Variants in ATXN1 observed in about 807,000 individuals in gnomAD.
ATXN1 encodes ataxin 1.
Under a neutral mutation model 56.4 loss-of-function variants are expected in ATXN1, and 8 were observed. The observed-to-expected ratio is 0.14, with a 90% CI of 0.08 to 0.26. The LOEUF (loss-of-function observed/expected upper bound fraction) is 0.26. Among genes scored for constraint, ATXN1 ranks in the 10% least tolerant of loss-of-function variants. ATXN1 has a pLI of 1.00. For synonymous variants in ATXN1, 514 were observed against 494.6 expected (o/e 1.04, Z -0.52); for missense variants, 987 against 1,106.5 (o/e 0.89, Z 1.53).
intron 4 of ATXN1, among the ~76,000 whole-genome samples, chr6:16,566,107 C>T (rs1029347798): frequency 6.6e-5 from 10 of 152,156 alleles, no homozygotes; most frequent in African/African-American, 9.6e-5. Flanking sequence ...AAAAGATTTA[C>T]GTTGAATAAC....
intron 3 of ATXN1, among the ~76,000 whole-genome samples, chr6:16,626,855 C>A (rs929356884): frequency 1.3e-5 from 2 of 152,118 alleles, no homozygotes; most frequent in African/African-American, 4.8e-5. Flanking sequence ...GGGAAGCCCA[C>A]GAGAGGACAC....
At chr6:16,454,911 A>G (rs1322409343) in intron 6 of ATXN1, among the ~76,000 whole-genome samples, 1 of 152,234 alleles carries the variant, frequency 6.6e-6, no homozygotes, top group Non-Finnish European at 1.5e-5. Context: ...TATAGCAATT[A>G]AGCAGCTTGG....
chr6:16,305,230 A>G lies in ATXN1; in HGVS notation c.*1099T>C, dbSNP rs1760212817. ...TTTAAATGCTTAAAGATAGTAATATATGCTCATCTTCAAAATCTAATTCCT... is the reference window on the plus strand; with the variant it reads ...TTTAAATGCTTAAAGATAGTAATATGTGCTCATCTTCAAAATCTAATTCCT... On this transcript the variant is annotated 3_prime_UTR_variant, in exon 8 of 8. Transcript: ENST00000436367. 1 of 152,554 alleles carries G rather than the reference A, an allele frequency of 6.6e-6. No homozygotes were observed. Among genetic ancestry groups the G allele is most frequent in the Non-Finnish European group, 1.5e-5 (1 of 68,022 alleles). 9.5% of individuals were successfully genotyped at this position (152,554 alleles called of 1,614,324 possible).
At chr6:16,670,199 TG>T (rs1175519172) in intron 2 of ATXN1, among the ~76,000 whole-genome samples, 3 of 152,224 alleles carry the variant, frequency 2.0e-5, no homozygotes. Flanking sequence ...TTCCTGGTTA[TG>T]CTACTTGAAT....
intron 3 of ATXN1, among the ~76,000 whole-genome samples, chr6:16,602,085 G>A (rs1278182095): frequency 1.3e-5 from 2 of 152,096 alleles, no homozygotes; most frequent in African/African-American, 4.8e-5. Context: ...CTAAGCATCA[G>A]CAAAGCATCT....
intron 3 of ATXN1, among the ~76,000 whole-genome samples, chr6:16,638,044 G>A (rs569474091): frequency 2.0e-5 from 3 of 152,150 alleles, no homozygotes; most frequent in Admixed American, 6.5e-5. Context: ...CATATGCACA[G>A]TTTAAACATA....
intron 3 of ATXN1, among the ~76,000 whole-genome samples, chr6:16,608,881 T>G (rs565088908): frequency 2.2e-4 from 34 of 152,298 alleles, no homozygotes; most frequent in African/African-American, 8.2e-4. Context: ...CATAAATACT[T>G]TTGTAAAATT....
chr6:16,624,078 T>C (rs1224602788), intron 3 of ATXN1, among the ~76,000 whole-genome samples: 1 of 152,050 alleles, frequency 6.6e-6, no homozygotes, highest in East Asian at 1.9e-4. Flanking sequence ...GGGTTGGGCG[T>C]GGTGGCTCGC....
intron 6 of ATXN1, among the ~76,000 whole-genome samples, chr6:16,458,407 CCT>C (rs1561903802): frequency 6.6e-6 from 1 of 152,172 alleles, no homozygotes; most frequent in Non-Finnish European, 1.5e-5. Context: ...AATATACTCC[CCT>C]GTCACCCAAC....
rs781716248 is a variant in ATXN1 at position 16,327,606 on chromosome 6, G to T, written c.705C>A (p.Thr235=). The change falls in exon 7 of 8, where the codon ACC becomes ACA. Residue 235 remains threonine (T), a synonymous_variant. Coordinates refer to ENST00000436367, the MANE Select transcript of ATXN1 (RefSeq NM_001128164.2). ...QHLSRAPGLI[T]PGSPPPAQQN... ...GCTGGGCTGGTGGGGGGGACCCCGG[G>T]GTGATGAGCCCCGGAGCCCTGCTGA... is the stretch of plus-strand genomic sequence containing the variant. 1 of 1,592,458 alleles carries T rather than the reference G, an allele frequency of 6.3e-7. No individual in the cohort carries two copies. The highest frequency in any genetic ancestry group is 2.3e-5 in the East Asian group (1 of 43,852).
intron 2 of ATXN1, among the ~76,000 whole-genome samples, chr6:16,712,862 G>A (rs1759556287): frequency 6.6e-6 from 1 of 152,070 alleles, no homozygotes; most frequent in Non-Finnish European, 1.5e-5. Flanking sequence ...GTACCTGCTA[G>A]GATAATGAGA....
At chr6:16,519,285 T>C (rs1761242376) in intron 5 of ATXN1, among the ~76,000 whole-genome samples, 1 of 152,162 alleles carries the variant, frequency 6.6e-6, no homozygotes, top group South Asian at 2.1e-4. Flanking sequence ...ATGGTAAAGA[T>C]TTTTAAAAAT....
At chr6:16,311,100 G>A (rs973461676) in intron 7 of ATXN1, among the ~76,000 whole-genome samples, 4 of 152,160 alleles carry the variant, frequency 2.6e-5, no homozygotes, top group African/African-American at 9.7e-5. Context: ...TTTATAATGT[G>A]AAGCAAGCTA....
intron 3 of ATXN1, among the ~76,000 whole-genome samples, chr6:16,611,271 G>C: frequency 6.6e-6 from 1 of 152,158 alleles, no homozygotes. Flanking sequence ...TGGTCAGCCA[G>C]CTTCCTCACT....
intron 6 of ATXN1, among the ~76,000 whole-genome samples, chr6:16,335,431 C>T (rs764426997): frequency 1.3e-5 from 2 of 152,152 alleles, no homozygotes; most frequent in Non-Finnish European, 2.9e-5. Context: ...GCTCTGCACC[C>T]CTGGGACATG....
intron 6 of ATXN1, among the ~76,000 whole-genome samples, chr6:16,467,398 G>T (rs73724875): frequency 6.0e-4 from 92 of 152,266 alleles, no homozygotes; most frequent in African/African-American, 2.0e-3. Context: ...CAAACCAGAG[G>T]GACGCACGGT....
chr6:16,365,311 G>A (rs1761895645), intron 6 of ATXN1, among the ~76,000 whole-genome samples: 1 of 152,092 alleles, frequency 6.6e-6, no homozygotes, highest in Non-Finnish European at 1.5e-5. Flanking sequence ...TGAGTAGCTG[G>A]GACTGCAGGC....
chr6:16,579,318 C>T (rs549504877), intron 4 of ATXN1, among the ~76,000 whole-genome samples: 2 of 152,162 alleles, frequency 1.3e-5, no homozygotes, highest in South Asian at 4.2e-4. Context: ...AAACAGTGAC[C>T]GCTTTTCATA....
intron 4 of ATXN1, among the ~76,000 whole-genome samples, chr6:16,561,378 T>G (rs1246845742): frequency 6.6e-6 from 1 of 152,144 alleles, no homozygotes; most frequent in Non-Finnish European, 1.5e-5. Flanking sequence ...ACAACAACCC[T>G]CTCCCACCCA....
Sources: gnomAD v4.1 joint callset for allele counts (sites outside exome capture counted in the v4.1 genomes callset) on GRCh38, gnomAD v4.1.1 for gene constraint, MANE v1.5 for transcripts, NCBI Gene and HGNC (gene_info 2026-07-23, HGNC 2026-07-21) for gene names.